Variants in OPCML observed in about 807,000 individuals in gnomAD.
The protein encoded by OPCML is opioid binding protein/cell adhesion molecule like.
Under a neutral mutation model 37.8 loss-of-function variants are expected in OPCML, and 13 were observed. The observed-to-expected ratio is 0.34, with a 90% CI of 0.22 to 0.55. The LOEUF is 0.55. OPCML is among the 20% of genes least tolerant of loss of function. The pLI is 0.91. For synonymous variants in OPCML, 176 were observed against 168.8 expected, an observed-to-expected ratio of 1.04 and a Z score of -0.33; for missense variants, 341 against 435.6, an observed-to-expected ratio of 0.78 and a Z score of 1.93.
intron 1 of OPCML, among the ~76,000 whole-genome samples, chr11:133,309,369 A>G (rs1048423094): frequency 1.3e-5 from 2 of 152,202 alleles, no homozygotes; most frequent in Non-Finnish European, 2.9e-5. Flanking sequence ...TCATCATGAG[A>G]AAACATCAGT....
In OPCML at chr11:132,476,533, C is replaced by G. The variant is rs539427954; in HGVS notation, c.506-39174G>C. Among the ~76,000 whole-genome samples the G allele has an allele frequency of 9.9e-5, 15 of 152,250 alleles. 1 individual carries two copies. In the South Asian group the frequency reaches 2.5e-3, roughly 25 times the overall value. On this transcript the variant is annotated intron_variant, in intron 4 of 7. Transcript: ENST00000524381. ...CCATAAAAAAGGATGAGTTCATGTCCTTTGTAGGGACATGGATGAAGCTGG... is the reference window on the plus strand; with the variant it reads ...CCATAAAAAAGGATGAGTTCATGTCGTTTGTAGGGACATGGATGAAGCTGG...
intron 1 of OPCML, among the ~76,000 whole-genome samples, chr11:133,382,688 G>T (rs544896396): frequency 6.6e-6 from 1 of 152,258 alleles, no homozygotes; most frequent in African/African-American, 2.4e-5. Flanking sequence ...CCTGTTTGTT[G>T]CAGTCTTTAA....
chr11:133,470,198 T>A (rs1379874906), intron 1 of OPCML, among the ~76,000 whole-genome samples: 1 of 152,142 alleles, frequency 6.6e-6, no homozygotes, highest in Non-Finnish European at 1.5e-5. Context: ...CTAGAGATTA[T>A]TATTTTTTTA....
At position 132,603,389 on chromosome 11, in the gene OPCML, C is replaced by T. The variant is rs115687709; in HGVS notation, c.379+53698G>A. Among the ~76,000 whole-genome samples, 1,475 of 152,312 alleles carry T rather than the reference C, an allele frequency of 9.7e-3. 20 individuals carry two copies. Among genetic ancestry groups the T allele is most frequent in the African/African-American group, 0.034 (1,393 of 41,578 alleles). ...TATATCTTCTGCAGCTCCTTGCTTT[C>T]ATCCTCCACATTCAGTTCGTCACCA... On this transcript the variant is annotated intron_variant, in intron 3 of 7. Transcript: ENST00000524381.
intron 1 of OPCML, among the ~76,000 whole-genome samples, chr11:133,020,164 G>A (rs1947423742): frequency 6.6e-6 from 1 of 152,196 alleles, no homozygotes; most frequent in Non-Finnish European, 1.5e-5. Flanking sequence ...AAAATAACAA[G>A]CAGTAGCTCC....
chr11:133,214,901 C>A (rs937695932), intron 1 of OPCML, among the ~76,000 whole-genome samples: 1 of 152,130 alleles, frequency 6.6e-6, no homozygotes, highest in Admixed American at 6.6e-5. Flanking sequence ...ATATAGCCAG[C>A]AAATGAGGCA....
chr11:133,326,595 G>T (rs535369980), intron 1 of OPCML, among the ~76,000 whole-genome samples: 1 of 137,294 alleles, frequency 7.3e-6, no homozygotes, highest in South Asian at 2.6e-4. Flanking sequence ...TGGGTGTTGG[G>T]TTGTGGGTAT....
At chr11:132,539,666 G>A (rs113982286) in intron 3 of OPCML, among the ~76,000 whole-genome samples, 5,101 of 152,004 alleles carry the variant, frequency 0.034, 281 homozygotes, top group African/African-American at 0.12. Context: ...AGATAGTGAT[G>A]GTGATTATGG....
At chr11:133,289,328 G>A (rs1392824571) in intron 1 of OPCML, among the ~76,000 whole-genome samples, 1 of 152,240 alleles carries the variant, frequency 6.6e-6, no homozygotes, top group Middle Eastern at 3.4e-3. Context: ...GGGCGCGGTG[G>A]CTCACGCCTG....
In OPCML at chr11:132,994,081, A is replaced by C. The variant is rs1309899482; in HGVS notation, c.62-51071T>G. On this transcript the variant is annotated intron_variant, in intron 1 of 7. Transcript: ENST00000524381. ...CATCAGGACACCAGCCTTGTGGTTAAAGCACTTTCCTTACTGCTGCACGTT... is the reference window on the plus strand; with the variant it reads ...CATCAGGACACCAGCCTTGTGGTTACAGCACTTTCCTTACTGCTGCACGTT... Among the ~76,000 whole-genome samples, 4 of 152,220 alleles carry C rather than the reference A, an allele frequency of 2.6e-5. No homozygotes were observed. In the East Asian group the frequency reaches 7.7e-4, roughly 29 times the overall value.
intron 2 of OPCML, among the ~76,000 whole-genome samples, chr11:132,691,854 G>A (rs752398261): frequency 2.6e-5 from 4 of 152,176 alleles, no homozygotes; most frequent in Non-Finnish European, 5.9e-5. Context: ...CTTGTGACCA[G>A]CTTAGGGTAC....
At chr11:133,345,699 GA>G (rs140561069) in intron 1 of OPCML, among the ~76,000 whole-genome samples, 2,589 of 152,326 alleles carry the variant, frequency 0.017, 38 homozygotes, top group Non-Finnish European at 0.028. Context: ...TAGGGCCGTA[GA>G]GAGCAAATTT....
chr11:132,420,191 T>C lies in OPCML; in HGVS notation c.*2A>G. 6.2e-7 allele frequency: 1 copy of C among 1,613,884 alleles called. No individual in the cohort carries two copies. ...GTTGCTCAGAGGACCTAGGATTTCT[T>C]ATCAAAACTTGATGAAGAAGTGGGC... On this transcript the variant is annotated 3_prime_UTR_variant, in exon 8 of 8. Transcript: ENST00000524381.
At chr11:133,419,029 T>C (rs899408202) in intron 1 of OPCML, among the ~76,000 whole-genome samples, 4 of 152,112 alleles carry the variant, frequency 2.6e-5, no homozygotes, top group African/African-American at 9.7e-5. Context: ...CCAATAACAC[T>C]CCTGTTCCCT....
intron 3 of OPCML, among the ~76,000 whole-genome samples, chr11:132,586,094 G>A (rs2096471974): frequency 6.6e-6 from 1 of 152,122 alleles, no homozygotes; most frequent in East Asian, 1.9e-4. Flanking sequence ...AGACCCACAT[G>A]GGGATCATTT....
At chr11:132,683,137 G>A (rs578261256) in intron 2 of OPCML, among the ~76,000 whole-genome samples, 3 of 152,242 alleles carry the variant, frequency 2.0e-5, no homozygotes, top group Admixed American at 1.3e-4. Flanking sequence ...AAGCAAGACC[G>A]AGTGTGGTGG....
chr11:132,674,165 G>T (rs3018407), intron 2 of OPCML, among the ~76,000 whole-genome samples: 81,861 of 152,068 alleles, frequency 0.54, 22,393 homozygotes, highest in African/African-American at 0.62. Flanking sequence ...TACACTAACA[G>T]TCTCCTCTAG....
In OPCML at chr11:132,698,232, A is replaced by T. The variant is rs187555091; in HGVS notation, c.147-40913T>A. Reference sequence around the variant, plus strand: ...TGAGGAACTTCCATACTGTTTCCACAATGGCTATACCAATTCAAATTTCCA... The same window carrying T: ...TGAGGAACTTCCATACTGTTTCCACTATGGCTATACCAATTCAAATTTCCA... On this transcript the variant is annotated intron_variant, in intron 2 of 7. Transcript: ENST00000524381. Among the ~76,000 whole-genome samples the T allele has an allele frequency of 5.9e-5, 9 of 152,122 alleles. No homozygotes were observed. The East Asian group carries it at 1.7e-3, about 29-fold the overall frequency.
intron 1 of OPCML, among the ~76,000 whole-genome samples, chr11:133,046,448 C>T (rs1351977122): frequency 6.6e-6 from 1 of 152,166 alleles, no homozygotes; most frequent in African/African-American, 2.4e-5. Flanking sequence ...TTCTTACAGT[C>T]TGTTCTTGCA....
Sources: allele counts gnomAD v4.1 joint callset (sites outside exome capture counted in the v4.1 genomes callset), GRCh38; gene constraint gnomAD v4.1.1; transcripts MANE v1.5; gene names NCBI Gene and HGNC (gene_info 2026-07-23, HGNC 2026-07-21).